The following PDE4D variants were observed in gnomAD, a reference collection of about 807,000 sequenced individuals.
PDE4D encodes 3',5'-cyclic-AMP phosphodiesterase 4D.
A neutral mutation model predicts 87.4 loss-of-function variants in PDE4D; 24 were observed. The observed-to-expected ratio is 0.27, with a 90% confidence interval of 0.20 to 0.39. PDE4D has a LOEUF of 0.39. Ranked by LOEUF, PDE4D falls within the 10% of genes least tolerant of loss-of-function variation. PDE4D has a pLI of 1.00. For missense variants in PDE4D, 714 were observed against 1,041.0 expected, an observed-to-expected ratio of 0.69 and a Z score of 4.32; for synonymous variants, 384 against 383.2, an observed-to-expected ratio of 1.00 and a Z score of -0.02.
intron 1 of PDE4D, among the ~76,000 whole-genome samples, chr5:60,218,671 G>T (rs1014012492): frequency 3.9e-5 from 6 of 152,010 alleles, no homozygotes; most frequent in African/African-American, 1.4e-4. Flanking sequence ...TTTCTTCCTA[G>T]ATAAGTTGAG....
At chr5:60,105,250 G>C (rs1258376380) in intron 2 of PDE4D, among the ~76,000 whole-genome samples, 2 of 152,212 alleles carry the variant, frequency 1.3e-5, no homozygotes, top group Non-Finnish European at 2.9e-5. Context: ...TCAACTGGAA[G>C]AAAGGGTATC....
rs539952429 is a variant in PDE4D, at chr5:60,075,242, A to C, written c.43-86525T>G. On this transcript the variant is annotated intron_variant, in intron 2 of 16. Coordinates refer to the PDE4D transcript ENST00000502484. ...TCCCTCAGCATTTGTTTGTCTGAAAAGGATCTTATTTCTTCTTTGCTTATG... is the reference window on the plus strand; with the variant it reads ...TCCCTCAGCATTTGTTTGTCTGAAACGGATCTTATTTCTTCTTTGCTTATG... Among the ~76,000 whole-genome samples, 4 of 152,312 alleles carry C rather than the reference A, an allele frequency of 2.6e-5. No homozygotes were observed. In the South Asian group the frequency reaches 8.3e-4, roughly 32 times the overall value.
chr5:60,036,058 G>T (rs1034025634), intron 2 of PDE4D, among the ~76,000 whole-genome samples: 1 of 152,164 alleles, frequency 6.6e-6, no homozygotes, highest in African/African-American at 2.4e-5. Context: ...ATAAAGTTTG[G>T]CTGGAAATAT....
chr5:59,342,040 G>C (rs1218957317), intron 1 of PDE4D, among the ~76,000 whole-genome samples: 1 of 152,130 alleles, frequency 6.6e-6, no homozygotes, highest in Admixed American at 6.6e-5. Flanking sequence ...GCTGCAAGTG[G>C]AAGAGCCATG....
At chr5:60,320,053 T>C (rs182694898) in intron 1 of PDE4D, among the ~76,000 whole-genome samples, 1 of 152,320 alleles carries the variant, frequency 6.6e-6, no homozygotes, top group East Asian at 1.9e-4. Flanking sequence ...CTGCTGCCTT[T>C]TGTTTGGCTA....
At chr5:59,270,065 G>A (rs945331448) in intron 1 of PDE4D, among the ~76,000 whole-genome samples, 1 of 152,056 alleles carries the variant, frequency 6.6e-6, no homozygotes, top group African/African-American at 2.4e-5. Context: ...AAACCTATCT[G>A]TGATCCACTC....
chr5:60,190,751 G>A (rs927692537), intron 1 of PDE4D, among the ~76,000 whole-genome samples: 1 of 152,176 alleles, frequency 6.6e-6, no homozygotes, highest in Non-Finnish European at 1.5e-5. Context: ...AACCCATCTT[G>A]TAGTCTTCCC....
intron 1 of PDE4D, among the ~76,000 whole-genome samples, chr5:60,265,650 G>T (rs1472566683): frequency 6.6e-6 from 1 of 152,144 alleles, no homozygotes; most frequent in Non-Finnish European, 1.5e-5. Flanking sequence ...GGCCTTAGCT[G>T]GTGGGACCCT....
chr5:59,499,911 C>A (rs1807980434), intron 1 of PDE4D, among the ~76,000 whole-genome samples: 1 of 151,064 alleles, frequency 6.6e-6, no homozygotes, highest in Non-Finnish European at 1.5e-5. Context: ...GGAGGAGGAA[C>A]TCCTAATTCA....
At chr5:59,936,308 A>T (rs925480715) in intron 3 of PDE4D, among the ~76,000 whole-genome samples, 1 of 152,078 alleles carries the variant, frequency 6.6e-6, no homozygotes, top group African/African-American at 2.4e-5. Context: ...ACGTGTATAC[A>T]TATGTAACTA....
At chr5:59,315,149 C>T (rs534788232) in intron 1 of PDE4D, among the ~76,000 whole-genome samples, 35 of 152,220 alleles carry the variant, frequency 2.3e-4, no homozygotes, top group Non-Finnish European at 4.3e-4. Flanking sequence ...AATTCCATTC[C>T]CCTCACCCTT....
chr5:59,638,063 G>A (rs1740900170), intron 1 of PDE4D, among the ~76,000 whole-genome samples: 2 of 152,108 alleles, frequency 1.3e-5, no homozygotes, highest in Admixed American at 1.3e-4. Flanking sequence ...TGTTACTCAT[G>A]CCAAATATAT....
chr5:59,985,337 T>C lies in PDE4D; in HGVS notation c.272+3151A>G, dbSNP rs186855947. Among the ~76,000 whole-genome samples, 84 of 151,782 alleles carry C rather than the reference T, an allele frequency of 5.5e-4. No homozygotes were observed. The East Asian group carries it at 0.016, about 29-fold the overall frequency. On this transcript the variant is annotated intron_variant, in intron 3 of 16. Transcript: ENST00000502484. ...TTTGTATTTTTCGTACAGACTGGGT[T>C]TCACCGTGTTAGCCAGGATGGTCTT... is the stretch of plus-strand genomic sequence containing the variant.
At chr5:59,842,534 T>C (rs903627040) in intron 1 of PDE4D, among the ~76,000 whole-genome samples, 2 of 152,084 alleles carry the variant, frequency 1.3e-5, no homozygotes, top group Non-Finnish European at 2.9e-5. Flanking sequence ...ATATTTTAAG[T>C]GGAATATGAA....
At chr5:59,375,429 A>G (rs1189034092) in intron 1 of PDE4D, among the ~76,000 whole-genome samples, 1 of 152,210 alleles carries the variant, frequency 6.6e-6, no homozygotes, top group African/African-American at 2.4e-5. Context: ...CATAAACTAG[A>G]AAAACTAGAA....
chr5:60,453,594 T>C (rs978568794), intron 1 of PDE4D, among the ~76,000 whole-genome samples: 5 of 152,156 alleles, frequency 3.3e-5, no homozygotes, highest in Non-Finnish European at 7.4e-5. Flanking sequence ...TACATTCAAA[T>C]AGGTTTGTTG....
Position 58,974,978 on chromosome 5 carries a change from C to T in PDE4D, c.2116G>A (p.Glu706Lys). 1 of 1,612,890 alleles carries T rather than the reference C, an allele frequency of 6.2e-7. No homozygotes were observed. ...TGAGGGATTGTGCTCTGGTACCATTCACGATTGTCCTCCAAAGTGTCCAAA... is the reference window on the plus strand; with the variant it reads ...TGAGGGATTGTGCTCTGGTACCATTTACGATTGTCCTCCAAAGTGTCCAAA... ...DILDTLEDNR[E>K]WYQSTIPQSP... Residue 706 changes from glutamate to lysine, a missense_variant, in exon 15 of 15, where the codon GAA becomes AAA. Transcript: ENST00000340635.
intron 1 of PDE4D, chr5:59,558,435 T>C (rs896734367): frequency 4.6e-5 from 7 of 152,146 alleles, no homozygotes; most frequent in African/African-American, 1.2e-4. Flanking sequence ...AAGCATATCA[T>C]TCTCTTGTTT....
intron 1 of PDE4D, among the ~76,000 whole-genome samples, chr5:59,650,638 A>T (rs1743295698): frequency 6.6e-6 from 1 of 152,212 alleles, no homozygotes; most frequent in African/African-American, 2.4e-5. Flanking sequence ...AAATAAGTAA[A>T]CATAACTTTA....
Sources: gnomAD v4.1 joint callset for allele counts (sites outside exome capture counted in the v4.1 genomes callset) on GRCh38, gnomAD v4.1.1 for gene constraint, MANE v1.5 for transcripts, NCBI Gene and HGNC (gene_info 2026-07-23, HGNC 2026-07-21) for gene names.